The following PAK1 variants were observed in gnomAD, a reference collection of about 807,000 sequenced individuals.
PAK1 encodes p21 (RAC1) activated kinase 1.
In PAK1, 29 loss-of-function variants were observed where a neutral mutation model predicts 67.4. The observed-to-expected ratio is 0.43, with a 90% CI of 0.32 to 0.59. PAK1 has a LOEUF of 0.59. Among genes scored for constraint, PAK1 ranks in the 20% least tolerant of loss-of-function variants. The pLI is 0.07. For synonymous variants in PAK1, 223 were observed against 237.4 expected (o/e 0.94, Z 0.56); for missense variants, 337 against 670.7 (o/e 0.50, Z 5.50).
rs1373045150 is a variant in PAK1, at chr11:77,444,790, G to C, written c.-22+28762C>G. On this transcript the variant is annotated intron_variant, in intron 1 of 14. Transcript: ENST00000356341. ...CTTTTTCCTCCAAATGTCCCTGTTT[G>C]GGGGATCTCAAAACTCCTTGGTTCC... 2.0e-5 allele frequency among the ~76,000 whole-genome samples: 3 copies of C among 152,058 alleles called. No homozygotes were observed. The East Asian group carries it at 5.8e-4, about 29-fold the overall frequency.
chr11:77,461,581 G>C (rs1391748967), intron 1 of PAK1, among the ~76,000 whole-genome samples: 2 of 152,108 alleles, frequency 1.3e-5, no homozygotes, highest in African/African-American at 4.8e-5. Flanking sequence ...TAACATGCGG[G>C]AATGTGTATA....
intron 1 of PAK1, among the ~76,000 whole-genome samples, chr11:77,398,930 T>G (rs1309333689): frequency 1.3e-5 from 2 of 152,218 alleles, no homozygotes; most frequent in South Asian, 4.1e-4. Flanking sequence ...TGGACTTGAC[T>G]TTTACTAAAA....
At chr11:77,405,670 G>GAGACACACACACACAC (rs1177577797) in intron 1 of PAK1, among the ~76,000 whole-genome samples, 2 of 125,582 alleles carry the variant, frequency 1.6e-5, no homozygotes, top group African/African-American at 3.2e-5. Flanking sequence ...CAGACAGACA[G>GAGACACACACACACAC]ACAGACACAC....
At chr11:77,339,365 C>A (rs1429255228) in intron 11 of PAK1, among the ~76,000 whole-genome samples, 1 of 151,940 alleles carries the variant, frequency 6.6e-6, no homozygotes, top group African/African-American at 2.4e-5. Flanking sequence ...TGGTTTATGA[C>A]CCAAACAGCT....
chr11:77,408,523 A>G (rs2137938452), intron 1 of PAK1, among the ~76,000 whole-genome samples: 1 of 137,068 alleles, frequency 7.3e-6, no homozygotes, highest in Admixed American at 7.4e-5. Flanking sequence ...TAGAGCCACT[A>G]TGGAGAAATA....
At chr11:77,426,078 CT>C (rs35602138) in intron 1 of PAK1, among the ~76,000 whole-genome samples, 38,497 of 117,194 alleles carry the variant, frequency 0.33, 6,266 homozygotes, top group African/African-American at 0.43. Context: ...TTGAAGGCCT[CT>C]TTTTTTTTTT....
chr11:77,353,248 C>G (rs1945521926), intron 8 of PAK1: 3 of 320,176 alleles, frequency 9.4e-6, no homozygotes, highest in Middle Eastern at 9.0e-4. Context: ...TCCGGAAAAG[C>G]AGAGTTGTAA....
At chr11:77,403,879 G>A (rs1182506712) in intron 1 of PAK1, among the ~76,000 whole-genome samples, 1 of 152,160 alleles carries the variant, frequency 6.6e-6, no homozygotes. Context: ...TCTTTAAAAG[G>A]TGATTGGGTC....
the PAK1 span, among the ~76,000 whole-genome samples, chr11:77,524,787 G>GT: frequency 6.6e-6 from 1 of 152,110 alleles, no homozygotes; most frequent in Non-Finnish European, 1.5e-5. Context: ...AATTTTCATT[G>GT]TTTTGTTTTG....
At chr11:77,501,236 G>A in the PAK1 span, among the ~76,000 whole-genome samples, 1 of 152,168 alleles carries the variant, frequency 6.6e-6, no homozygotes, top group Non-Finnish European at 1.5e-5. Flanking sequence ...TGGCAATGTG[G>A]AGGATGAAGG....
chr11:77,521,251 C>T, the PAK1 span, among the ~76,000 whole-genome samples: 20 of 151,996 alleles, frequency 1.3e-4, no homozygotes, highest in Admixed American at 1.2e-3. Context: ...AATGTGAGGC[C>T]GGGTGCAGTG....
intron 1 of PAK1, among the ~76,000 whole-genome samples, chr11:77,408,789 A>G (rs1358852194): frequency 6.6e-6 from 1 of 152,198 alleles, no homozygotes; most frequent in Non-Finnish European, 1.5e-5. Flanking sequence ...CTTAATAGCA[A>G]AAAAAACAAG....
chr11:77,377,291 G>A (rs575551216), intron 4 of PAK1, among the ~76,000 whole-genome samples: 1 of 152,068 alleles, frequency 6.6e-6, no homozygotes, highest in African/African-American at 2.4e-5. Flanking sequence ...ATATACAAAT[G>A]AGGTAGTATT....
chr11:77,391,445 AGAAAGCT>A (rs1158819220), intron 2 of PAK1, among the ~76,000 whole-genome samples: 19 of 152,254 alleles, frequency 1.2e-4, no homozygotes, highest in Admixed American at 1.2e-3. Context: ...GCCTAAGATC[AGAAAGCT>A]GGTAAGTGGT....
At chr11:77,343,766 C>G in intron 10 of PAK1, 53 bp downstream of exon 10, 2 of 1,055,026 alleles carry the variant, frequency 1.9e-6, no homozygotes, top group South Asian at 2.5e-5. Context: ...ACAGCTTCAC[C>G]ACCAATCAGT....
At position 77,374,433 on chromosome 11, in the gene PAK1, A is replaced by C. The variant is rs1412740576; in HGVS notation, c.440-68T>G. On this transcript the variant is annotated intron_variant, in intron 4 of 14. Transcript: ENST00000356341. ...CAGTTAAATTTTTCTGGACAGCAAA[A>C]GAAGTCTATCTGGTCAAGCACGTGC... The C allele has an allele frequency of 9.8e-6, 10 of 1,016,428 alleles. No individual in the cohort carries two copies. The Admixed American group carries it at 1.7e-4, about 18-fold the overall frequency. 63.0% of individuals were successfully genotyped at this position (1,016,428 alleles called of 1,614,324 possible).
intron 1 of PAK1, among the ~76,000 whole-genome samples, chr11:77,450,094 T>C (rs762256777): frequency 3.3e-5 from 5 of 152,222 alleles, no homozygotes; most frequent in Non-Finnish European, 2.9e-5. Context: ...AAGTATTAAC[T>C]TGTGAGTATT....
chr11:77,463,184 A>G (rs972776452), intron 1 of PAK1, among the ~76,000 whole-genome samples: 4 of 152,148 alleles, frequency 2.6e-5, no homozygotes, highest in Admixed American at 2.0e-4. Flanking sequence ...TATGAATGCT[A>G]AAGTGTTTAC....
intron 1 of PAK1, among the ~76,000 whole-genome samples, chr11:77,413,343 T>C (rs1222138290): frequency 6.6e-6 from 1 of 152,142 alleles, no homozygotes; most frequent in Non-Finnish European, 1.5e-5. Flanking sequence ...TGTAAGATAA[T>C]GTAAAAAGAA....
Sources: allele counts gnomAD v4.1 joint callset (sites outside exome capture counted in the v4.1 genomes callset), GRCh38; gene constraint gnomAD v4.1.1; transcripts MANE v1.5; gene names NCBI Gene and HGNC (gene_info 2026-07-23, HGNC 2026-07-21).